NOP9: variants seen among roughly 807,000 people sequenced by gnomAD.
The protein encoded by NOP9 is NOP9 nucleolar protein, also known as nucleolar protein 9.
In NOP9, 50 loss-of-function variants were observed where a neutral mutation model predicts 63.0. The observed-to-expected ratio is 0.79, with a 90% CI of 0.63 to 1.00. The LOEUF (loss-of-function observed/expected upper bound fraction) is 1.00, where lower values mean the gene tolerates loss of function less well. Ranked by LOEUF, NOP9 falls within the 50% of genes least tolerant of loss-of-function variation. The pLI is 0.00. For missense variants in NOP9, 758 were observed against 803.0 expected (o/e 0.94, Z 0.68); for synonymous variants, 343 against 332.8 (o/e 1.03, Z -0.33).
Position 24,307,459 on chromosome 14 carries a change from G to A in NOP9, c.*2364G>A, listed in dbSNP as rs752751274. 6.2e-7 allele frequency: 1 copy of A among 1,614,100 alleles called. No individual in the cohort carries two copies. The highest frequency in any genetic ancestry group is 1.1e-5 in the South Asian group (1 of 91,088). On this transcript the variant is annotated 3_prime_UTR_variant, in exon 10 of 10. Transcript: ENST00000267425. ...ACAGACACGGAAAGGTCGCTGGGGT[G>A]GTGGAGCTGAGGTCCAGACCCTCCG...
chr14:24,308,196 A>C lies in NOP9; in HGVS notation c.*3101A>C. ...TGACTTCTGGTGTTTTTTTATTTCT[A>C]TGGAGGGAATTTCTGGGGACGGTTT... On this transcript the variant is annotated 3_prime_UTR_variant, in exon 10 of 10. Coordinates refer to ENST00000267425, the MANE Select transcript of NOP9 (RefSeq NM_174913.3). 2.9e-6 allele frequency: 1 copy of C among 348,568 alleles called. No homozygotes were observed. Among genetic ancestry groups the C allele is most frequent in the Non-Finnish European group, 5.4e-6 (1 of 185,756 alleles). The allele number at this position is 348,568 out of a possible 1,614,324, so 21.6% of individuals were successfully genotyped here. A position where few individuals can be genotyped will look rare whatever the true frequency, so the allele number is the denominator to read the frequency against.
the NOP9 span, among the ~76,000 whole-genome samples, chr14:24,276,145 G>A: frequency 1.3e-5 from 2 of 152,094 alleles, no homozygotes. Flanking sequence ...GGGAGGCCGA[G>A]GCAGGCGGAT....
At chr14:24,281,453 C>T in the NOP9 span, among the ~76,000 whole-genome samples, 26 of 152,192 alleles carry the variant, frequency 1.7e-4, no homozygotes, top group Admixed American at 2.0e-4. Context: ...AGTTTCTGTG[C>T]ATGGGGAAGG....
chr14:24,290,086 G>C, the NOP9 span, among the ~76,000 whole-genome samples: 2 of 152,248 alleles, frequency 1.3e-5, no homozygotes, highest in East Asian at 3.8e-4. Context: ...CCTTGCCTCA[G>C]GCTAGGACAG....
At chr14:24,286,040 T>C in the NOP9 span, among the ~76,000 whole-genome samples, 1 of 152,036 alleles carries the variant, frequency 6.6e-6, no homozygotes, top group Non-Finnish European at 1.5e-5. Flanking sequence ...TTCCCTGGGC[T>C]CCTTTGAGGA....
At chr14:24,285,346 T>C in the NOP9 span, among the ~76,000 whole-genome samples, 10 of 152,040 alleles carry the variant, frequency 6.6e-5, no homozygotes, top group African/African-American at 2.2e-4. Flanking sequence ...GTTGGTGGGG[T>C]AGGGAAGTTT....
chr14:24,301,374 T>C (rs2041373999), intron 2 of NOP9, among the ~76,000 whole-genome samples: 1 of 152,214 alleles, frequency 6.6e-6, no homozygotes, highest in Admixed American at 6.5e-5. Flanking sequence ...TGGAATGGCT[T>C]GAATACCTGG....
rs780169970 is a variant in NOP9, at chr14:24,299,910, C to T, written c.-45C>T. ...CGCTTGGCGACGTCGAAGGTCCGTC[C>T]GCAGTTAAGGAAGCTTTTGCAGCCG... On this transcript the variant is annotated 5_prime_UTR_variant, in exon 1 of 10. Transcript: ENST00000267425. 15 of 1,506,258 alleles carry T rather than the reference C, an allele frequency of 1.0e-5. No individual in the cohort carries two copies. The highest frequency in any genetic ancestry group is 6.9e-5 in the East Asian group (3 of 43,650). The allele number at this position is 1,506,258 out of a possible 1,614,324, so 93.3% of individuals were successfully genotyped here.
Position 24,308,015 on chromosome 14 carries a change from T to G in NOP9, c.*2920T>G. Reference sequence around the variant, plus strand: ...GACTCTGGCCCCCCTGCCTGGCCAGTAAGAAGGGCAAAGTCCAAGGGGAGG... The same window carrying G: ...GACTCTGGCCCCCCTGCCTGGCCAGGAAGAAGGGCAAAGTCCAAGGGGAGG... On this transcript the variant is annotated 3_prime_UTR_variant, in exon 10 of 10. Transcript: ENST00000267425. 1.5e-6 allele frequency: 1 copy of G among 689,412 alleles called. No homozygotes were observed. The highest frequency in any genetic ancestry group is 2.6e-6 in the Non-Finnish European group (1 of 386,010). 42.7% of individuals were successfully genotyped at this position (689,412 alleles called of 1,614,324 possible).
chr14:24,299,521 G>C (rs2041326446), upstream of NOP9: 1 of 211,700 alleles, frequency 4.7e-6, no homozygotes, highest in African/African-American at 2.3e-5. Flanking sequence ...TTCCGGGCCG[G>C]GGATGAGCGC....
At chr14:24,303,028 C>A in intron 5 of NOP9, 46 bp from the exon 6 acceptor site, 2 of 1,489,744 alleles carry the variant, frequency 1.3e-6, no homozygotes, top group African/African-American at 2.9e-5. Flanking sequence ...ATAATGTGGT[C>A]CGCCATTACC....
In NOP9 at chr14:24,303,809, G is replaced by A. The variant is rs1678903679; in HGVS notation, c.1362G>A (p.Val454=). 4.3e-6 allele frequency: 7 copies of A among 1,614,202 alleles called. No homozygotes were observed. The highest frequency in any genetic ancestry group is 8.5e-7 in the Non-Finnish European group (1 of 1,180,028). Residue 454 remains valine (V), a synonymous_variant, in exon 7 of 10, where the codon GTG becomes GTA. Coordinates refer to ENST00000267425, the MANE Select transcript of NOP9 (RefSeq NM_174913.3). ...TTGCCACTTTGATGGCTTATGAGGT[G>A]TACTATGGACTGACGGAGGAGGAGG... ...PLFATLMAYE[V]YYGLTEEEGA... is the part of the protein sequence containing the mutation.
At chr14:24,296,866 C>A, upstream of NOP9, 1 of 1,614,192 alleles carries the variant, frequency 6.2e-7, no homozygotes, top group African/African-American at 1.3e-5. Flanking sequence ...ACACATTGGC[C>A]CCCGAGGGAT....
the NOP9 span, chr14:24,291,707 AG>A: frequency 7.0e-7 from 1 of 1,435,416 alleles, no homozygotes; most frequent in Non-Finnish European, 9.8e-7. Flanking sequence ...CTTCTGTTCC[AG>A]GAGAAAAAGA....
the NOP9 span, among the ~76,000 whole-genome samples, chr14:24,289,417 C>T: frequency 1.3e-5 from 2 of 152,210 alleles, no homozygotes; most frequent in African/African-American, 2.4e-5. Context: ...TAAACTACTA[C>T]GCCCAGCCCC....
chr14:24,304,153 C>T lies in NOP9; in HGVS notation c.1523C>T (p.Ala508Val). ...TPGLVLRSLGALTGPQLLSLA... is the reference protein window; with the variant it reads ...TPGLVLRSLGVLTGPQLLSLA... Reference sequence around the variant, plus strand: ...GGTCTTGTACTTCGAAGTCTGGGTGCCTTGACGGGACCACAGCTTCTGTCC... The same window carrying T: ...GGTCTTGTACTTCGAAGTCTGGGTGTCTTGACGGGACCACAGCTTCTGTCC... Residue 508 changes from alanine (A) to valine (V), a missense_variant, in exon 8 of 10, where the codon GCC (alanine) becomes GTC (valine). Ala to Val is a moderately conservative substitution (Grantham distance 64). Transcript: ENST00000267425. 1 of 1,614,226 alleles carries T rather than the reference C, an allele frequency of 6.2e-7. No individual in the cohort carries two copies. Among genetic ancestry groups the T allele is most frequent in the South Asian group, 1.1e-5 (1 of 91,086 alleles).
rs1594615408 is a variant in NOP9, at chr14:24,299,978, A to C, written c.24A>C (p.Pro8=). The C allele has an allele frequency of 6.3e-7, 1 of 1,588,404 alleles. No individual in the cohort carries two copies. Among genetic ancestry groups the C allele is most frequent in the Non-Finnish European group, 8.6e-7 (1 of 1,167,178 alleles). MGQGPRS[P]HKVGRRFPAG... is the part of the protein sequence containing the mutation. ...ACATGGGGCAGGGTCCGCGCTCTCC[A>C]CACAAGGTGGGGCGCCGGTTCCCAG... is the stretch of plus-strand genomic sequence containing the variant. The change falls in exon 1 of 10, where the codon CCA becomes CCC. Residue 8 remains proline, a synonymous_variant. Transcript: ENST00000267425.
rs767087110 is a variant in NOP9, at chr14:24,307,561, G to A, written c.*2466G>A. The A allele has an allele frequency of 1.3e-6, 2 of 1,598,434 alleles. No individual in the cohort carries two copies. The highest frequency in any genetic ancestry group is 1.1e-5 in the South Asian group (1 of 88,676). The stretch of plus-strand genomic sequence containing the variant: ...TCAAGAAGGGGCGAGGAGGGGCTTG[G>A]TGAGTGTAAAGGGCATGATGAGGGT... On this transcript the variant is annotated 3_prime_UTR_variant, in exon 10 of 10. Coordinates refer to ENST00000267425, the MANE Select transcript of NOP9 (RefSeq NM_174913.3).
rs1487191770 is a variant in NOP9 at position 24,300,543 on chromosome 14, C to T, written c.383C>T (p.Ala128Val). Residue 128 changes from alanine (A) to valine (V), a missense_variant, in exon 2 of 10, where the codon GCT (alanine) becomes GTT (valine). Ala to Val is a moderately conservative substitution (Grantham distance 64, BLOSUM62 0). Coordinates refer to ENST00000267425, the MANE Select transcript of NOP9 (RefSeq NM_174913.3). ...PLKPLCRVWA[A>V]LRSNLRTVAC... ...AAACCGCTTTGTCGCGTGTGGGCTG[C>T]TCTGCGCTCTAACTTGCGCACTGTG... 1.2e-6 allele frequency: 2 copies of T among 1,614,242 alleles called. No individual in the cohort carries two copies. Among genetic ancestry groups the T allele is most frequent in the South Asian group, 1.1e-5 (1 of 91,090 alleles).
Sources: gnomAD v4.1 joint callset for allele counts (sites outside exome capture counted in the v4.1 genomes callset) on GRCh38, gnomAD v4.1.1 for gene constraint, MANE v1.5 for transcripts, NCBI Gene and HGNC (gene_info 2026-07-23, HGNC 2026-07-21) for gene names.